CPED1: variants seen among roughly 807,000 people sequenced by gnomAD.
The protein encoded by CPED1 is cadherin-like and PC-esterase domain-containing protein 1.
In CPED1, 114 loss-of-function variants were observed where a neutral mutation model predicts 128.2. The observed-to-expected ratio is 0.89, with a 90% CI of 0.76 to 1.04. The LOEUF is 1.04. Ranked by LOEUF, CPED1 falls within the 50% of genes least tolerant of loss-of-function variation. The pLI, the probability that CPED1 is intolerant of heterozygous loss-of-function variation, is 0.00. For missense variants in CPED1, 1,211 were observed against 1,207.1 expected (o/e 1.00, Z -0.05); for synonymous variants, 462 against 426.7 (o/e 1.08, Z -1.02).
intron 13 of CPED1, 45 bp from the exon 14 acceptor site, chr7:121,135,995 G>A: frequency 7.3e-7 from 1 of 1,366,542 alleles, no homozygotes; most frequent in Non-Finnish European, 9.8e-7. Context: ...TTAACATTTT[G>A]ATTAATGGTT....
At chr7:121,236,121 G>A (rs1798248763) in intron 16 of CPED1, among the ~76,000 whole-genome samples, 1 of 152,006 alleles carries the variant, frequency 6.6e-6, no homozygotes, top group South Asian at 2.1e-4. Flanking sequence ...AAGGAGAGAA[G>A]TTTCAGAGAT....
chr7:121,154,223 T>G (rs537612600), intron 16 of CPED1, among the ~76,000 whole-genome samples: 1 of 152,288 alleles, frequency 6.6e-6, no homozygotes, highest in South Asian at 2.1e-4. Context: ...GGAGTTTAAC[T>G]CTCCAGTAAA....
intron 3 of CPED1, among the ~76,000 whole-genome samples, chr7:121,017,167 C>T (rs980496526): frequency 5.3e-5 from 8 of 152,146 alleles, no homozygotes; most frequent in African/African-American, 1.9e-4. Context: ...TACGCAGAGC[C>T]TGGATCATGG....
intron 16 of CPED1, among the ~76,000 whole-genome samples, chr7:121,161,787 G>C (rs1796417551): frequency 4.6e-5 from 7 of 152,168 alleles, no homozygotes; most frequent in Admixed American, 4.6e-4. Flanking sequence ...TTACTAAAGT[G>C]TAATGATACA....
chr7:121,294,226 A>G (rs533285273), intron 22 of CPED1, among the ~76,000 whole-genome samples: 38 of 152,356 alleles, frequency 2.5e-4, no homozygotes, highest in Non-Finnish European at 4.4e-4. Flanking sequence ...GTCTGTATAT[A>G]TATATTCATA....
At chr7:121,269,770 C>T (rs1251189832) in intron 21 of CPED1, among the ~76,000 whole-genome samples, 1 of 151,878 alleles carries the variant, frequency 6.6e-6, no homozygotes, top group Non-Finnish European at 1.5e-5. Context: ...TTTTTCATGT[C>T]TGTTGGGTGC....
chr7:121,018,262 G>A (rs1039686288), intron 3 of CPED1, among the ~76,000 whole-genome samples: 1 of 152,072 alleles, frequency 6.6e-6, no homozygotes, highest in Non-Finnish European at 1.5e-5. Context: ...AATTATGTTT[G>A]AATTGAGGCA....
intron 16 of CPED1, among the ~76,000 whole-genome samples, chr7:121,145,608 A>T (rs1385186377): frequency 6.6e-6 from 1 of 152,044 alleles, no homozygotes; most frequent in African/African-American, 2.4e-5. Context: ...GAGCTGGGGG[A>T]AGTCAACAGC....
At chr7:121,148,954 G>A (rs2116393337) in intron 16 of CPED1, among the ~76,000 whole-genome samples, 1 of 152,278 alleles carries the variant, frequency 6.6e-6, no homozygotes, top group East Asian at 1.9e-4. Context: ...TGTGGCTGCT[G>A]TGCCTAACAG....
At chr7:121,198,649 C>G (rs974019279) in intron 16 of CPED1, among the ~76,000 whole-genome samples, 1 of 152,100 alleles carries the variant, frequency 6.6e-6, no homozygotes, top group Non-Finnish European at 1.5e-5. Context: ...AAATTCACTA[C>G]GCCAGAGCCT....
chr7:121,091,654 G>C (rs897224587), intron 5 of CPED1, among the ~76,000 whole-genome samples: 2 of 152,100 alleles, frequency 1.3e-5, no homozygotes, highest in African/African-American at 4.8e-5. Context: ...AGCACTTTAA[G>C]GGAAATTCAT....
intron 16 of CPED1, among the ~76,000 whole-genome samples, chr7:121,162,162 A>G (rs1159292392): frequency 6.6e-6 from 1 of 152,234 alleles, no homozygotes; most frequent in Non-Finnish European, 1.5e-5. Context: ...AATTAGGCCA[A>G]GTGTAGGCAA....
rs188506094 is a variant in CPED1 at position 121,225,017 on chromosome 7, T to C, written c.2056-11697T>C. On this transcript the variant is annotated intron_variant, in intron 16 of 22. Transcript: ENST00000310396. ...TTGTGTGAATTGGAGCCTGTCATTA[T>C]GATGTTAGCTGGTTATTTTGCCTGT... 1.1e-3 allele frequency among the ~76,000 whole-genome samples: 174 copies of C among 152,238 alleles called. 1 individual carries two copies. The highest frequency in any genetic ancestry group is 4.0e-3 in the African/African-American group (166 of 41,548).
chr7:121,174,233 C>G (rs1436723351), intron 16 of CPED1, among the ~76,000 whole-genome samples: 2 of 152,064 alleles, frequency 1.3e-5, no homozygotes, highest in Admixed American at 6.6e-5. Flanking sequence ...TAATTAGATC[C>G]CATTTGTCAA....
chr7:121,100,924 TC>T (rs1794835441), intron 7 of CPED1, among the ~76,000 whole-genome samples: 1 of 152,140 alleles, frequency 6.6e-6, no homozygotes, highest in Non-Finnish European at 1.5e-5. Flanking sequence ...ATTTCTGCCA[TC>T]TTATTTTTTT....
At chr7:121,060,132 T>G (rs1585045794) in intron 4 of CPED1, among the ~76,000 whole-genome samples, 1 of 151,792 alleles carries the variant, frequency 6.6e-6, no homozygotes, top group Admixed American at 6.6e-5. Context: ...CTGCGGAGGG[T>G]GTGCTGGGTC....
At chr7:121,173,950 T>A (rs995495113) in intron 16 of CPED1, among the ~76,000 whole-genome samples, 3 of 152,140 alleles carry the variant, frequency 2.0e-5, no homozygotes, top group Admixed American at 6.6e-5. Context: ...TAGTATCTCA[T>A]TGTGGTTTTG....
intron 2 of CPED1, among the ~76,000 whole-genome samples, chr7:120,997,409 T>C (rs1172008345): frequency 6.6e-6 from 1 of 152,206 alleles, no homozygotes; most frequent in Non-Finnish European, 1.5e-5. Flanking sequence ...CTGAGACCTA[T>C]GTCCTTTCTA....
chr7:121,158,145 T>G (rs2116424630), intron 16 of CPED1, among the ~76,000 whole-genome samples: 1 of 152,172 alleles, frequency 6.6e-6, no homozygotes, highest in East Asian at 1.9e-4. Context: ...TAGGAAGTAA[T>G]TATTGGGTCA....
Sources: gnomAD v4.1 joint callset for allele counts (sites outside exome capture counted in the v4.1 genomes callset) on GRCh38, gnomAD v4.1.1 for gene constraint, MANE v1.5 for transcripts, NCBI Gene and HGNC (gene_info 2026-07-23, HGNC 2026-07-21) for gene names.